The following NALF1 variants were observed in gnomAD, a reference collection of about 807,000 sequenced individuals.
NALF1 encodes NALCN channel auxiliary factor 1, also known as family with sequence similarity 155 member A.
A neutral mutation model predicts 48.4 loss-of-function variants in NALF1; 3 were observed. The ratio of observed to expected loss-of-function variants is 0.06; its 90% CI spans 0.03 to 0.16. NALF1 has a LOEUF of 0.16. Among genes scored for constraint, NALF1 ranks in the 10% least tolerant of loss-of-function variants. The probability of loss-of-function intolerance (pLI) is 1.00; values close to 1 mark genes in which losing one functional copy is unlikely to be tolerated. For synonymous variants in NALF1, 262 were observed against 245.7 expected, an observed-to-expected ratio of 1.07 and a Z score of -0.62; for missense variants, 526 against 571.5, an observed-to-expected ratio of 0.92 and a Z score of 0.81.
intron 1 of NALF1, among the ~76,000 whole-genome samples, chr13:107,351,815 T>C (rs1882881677): frequency 6.6e-6 from 1 of 152,198 alleles, no homozygotes; most frequent in African/African-American, 2.4e-5. Flanking sequence ...GTTCATACAT[T>C]TGGAGAGGAG....
At chr13:107,824,892 G>A (rs1047180013) in intron 1 of NALF1, among the ~76,000 whole-genome samples, 2 of 152,138 alleles carry the variant, frequency 1.3e-5, no homozygotes, top group African/African-American at 4.8e-5. Context: ...CCACTTCACT[G>A]GCCAATGTCA....
chr13:107,744,438 C>T (rs1362816129), intron 1 of NALF1, among the ~76,000 whole-genome samples: 1 of 152,092 alleles, frequency 6.6e-6, no homozygotes, highest in East Asian at 1.9e-4. Flanking sequence ...CGAAACTTAG[C>T]CAAAGGTATT....
intron 1 of NALF1, among the ~76,000 whole-genome samples, chr13:107,307,092 T>C (rs1244656534): frequency 6.6e-6 from 1 of 152,246 alleles, no homozygotes; most frequent in African/African-American, 2.4e-5. Context: ...TCCATTTACT[T>C]CTAAGGCAGA....
intron 1 of NALF1, among the ~76,000 whole-genome samples, chr13:107,459,671 C>T (rs961706857): frequency 6.6e-6 from 1 of 152,020 alleles, no homozygotes; most frequent in South Asian, 2.1e-4. Flanking sequence ...TCTCCTGGAG[C>T]GAAAGTAAGT....
chr13:107,769,019 T>A (rs1877497652), intron 1 of NALF1, among the ~76,000 whole-genome samples: 1 of 151,434 alleles, frequency 6.6e-6, no homozygotes, highest in Admixed American at 6.6e-5. Flanking sequence ...AGAATGGCAA[T>A]CATTAAAAAG....
intron 1 of NALF1, among the ~76,000 whole-genome samples, chr13:107,249,148 G>A (rs1255552100): frequency 6.6e-6 from 1 of 151,868 alleles, no homozygotes; most frequent in Non-Finnish European, 1.5e-5. Flanking sequence ...AAATCATTTG[G>A]AAAAATGGCA....
chr13:107,243,038 G>C, intron 1 of NALF1, among the ~76,000 whole-genome samples: 1 of 152,012 alleles, frequency 6.6e-6, no homozygotes. Context: ...CCACACAGCA[G>C]GAAGCCAGGA....
Position 107,352,828 on chromosome 13 carries a change from T to C in NALF1, c.916-142073A>G, listed in dbSNP as rs948856169. On this transcript the variant is annotated intron_variant, in intron 1 of 2. Coordinates refer to ENST00000375915, the MANE Select transcript of NALF1 (RefSeq NM_001080396.3). ...ACAAGAAGAGACCTTTTCTTTGAGATTTCCTTATTTGACCAAGAAAGCTTC... is the reference window on the plus strand; with the variant it reads ...ACAAGAAGAGACCTTTTCTTTGAGACTTCCTTATTTGACCAAGAAAGCTTC... Among the ~76,000 whole-genome samples, 10 of 152,296 alleles carry C rather than the reference T, an allele frequency of 6.6e-5. No individual in the cohort carries two copies. The East Asian group carries it at 1.9e-3, about 29-fold the overall frequency.
intron 2 of NALF1, among the ~76,000 whole-genome samples, chr13:107,178,437 A>G (rs1878985868): frequency 6.6e-6 from 1 of 152,252 alleles, no homozygotes; most frequent in African/African-American, 2.4e-5. Context: ...CAAATGGCAA[A>G]CAGGTATATG....
At position 107,170,486 on chromosome 13, in the gene NALF1, T is replaced by C; in HGVS notation, c.*11A>G. 1 of 1,580,298 alleles carries C rather than the reference T, an allele frequency of 6.3e-7. No homozygotes were observed. The highest frequency in any genetic ancestry group is 8.6e-7 in the Non-Finnish European group (1 of 1,161,904). On this transcript the variant is annotated 3_prime_UTR_variant, in exon 3 of 3. Coordinates refer to ENST00000375915, the MANE Select transcript of NALF1 (RefSeq NM_001080396.3). ...GGGCCAGCTGCTGCTGTGGTGACAC[T>C]CGTCCTTCCGTTACTCCTCATTGGT...
intron 1 of NALF1, among the ~76,000 whole-genome samples, chr13:107,402,546 C>A (rs575840959): frequency 1.1e-4 from 16 of 152,296 alleles, no homozygotes; most frequent in African/African-American, 3.6e-4. Flanking sequence ...GTAACCAATA[C>A]AGTGTCTTTC....
At chr13:107,384,661 A>G (rs1037091710) in intron 1 of NALF1, among the ~76,000 whole-genome samples, 3 of 152,228 alleles carry the variant, frequency 2.0e-5, no homozygotes, top group African/African-American at 7.2e-5. Flanking sequence ...ATAACATATG[A>G]ACCTTTGTGT....
chr13:107,416,022 T>TA (rs988898497), intron 1 of NALF1, among the ~76,000 whole-genome samples: 4 of 152,032 alleles, frequency 2.6e-5, no homozygotes, highest in African/African-American at 9.7e-5. Context: ...TCTTTTTTTT[T>TA]TTGAGATGGT....
chr13:107,817,297 T>A (rs1684944742), intron 1 of NALF1, among the ~76,000 whole-genome samples: 5 of 152,216 alleles, frequency 3.3e-5, no homozygotes, highest in Admixed American at 3.3e-4. Flanking sequence ...AAATCACACA[T>A]TTTGAGTATG....
intron 1 of NALF1, among the ~76,000 whole-genome samples, chr13:107,834,805 T>C (rs1879843155): frequency 6.6e-6 from 1 of 152,224 alleles, no homozygotes; most frequent in East Asian, 1.9e-4. Context: ...ATCTGTAGCA[T>C]TGCTTTCCTA....
intron 1 of NALF1, among the ~76,000 whole-genome samples, chr13:107,549,621 G>A (rs1215716580): frequency 1.3e-5 from 2 of 152,078 alleles, no homozygotes; most frequent in Non-Finnish European, 2.9e-5. Flanking sequence ...TGTATATATG[G>A]TTGTGTATAC....
intron 1 of NALF1, among the ~76,000 whole-genome samples, chr13:107,830,202 G>T (rs1429294551): frequency 6.6e-6 from 1 of 152,178 alleles, no homozygotes; most frequent in Non-Finnish European, 1.5e-5. Context: ...GAAAGATGGG[G>T]ACTTCACAAT....
chr13:107,751,193 G>T (rs1181215704), intron 1 of NALF1, among the ~76,000 whole-genome samples: 1 of 152,080 alleles, frequency 6.6e-6, no homozygotes. Context: ...ACCCTTTTTG[G>T]AGTGGGTAAA....
rs531610834 is a variant in NALF1 at position 107,647,016 on chromosome 13, G to A, written c.915+218666C>T. Among the ~76,000 whole-genome samples the A allele has an allele frequency of 5.3e-5, 8 of 152,108 alleles. No individual in the cohort carries two copies. The South Asian group carries it at 1.7e-3, about 32-fold the overall frequency. The stretch of plus-strand genomic sequence containing the variant: ...ATTTACAGATATTACCACTCATTGG[G>A]TAAAGACTTACATACTAGAATGCTT... On this transcript the variant is annotated intron_variant, in intron 1 of 2. Coordinates refer to ENST00000375915, the MANE Select transcript of NALF1 (RefSeq NM_001080396.3).
Sources: gnomAD v4.1 joint callset for allele counts (sites outside exome capture counted in the v4.1 genomes callset) on GRCh38, gnomAD v4.1.1 for gene constraint, MANE v1.5 for transcripts, NCBI Gene and HGNC (gene_info 2026-07-23, HGNC 2026-07-21) for gene names.